The following PHF19 variants were observed in gnomAD, a reference collection of about 807,000 sequenced individuals.
The protein encoded by PHF19 is PHD finger protein 19, also known as polycomb like 3.
Under a neutral mutation model 79.8 loss-of-function variants are expected in PHF19, and 21 were observed. That is an observed-to-expected ratio of 0.26 (90% CI 0.19 to 0.38). PHF19 has a LOEUF of 0.38. Among genes scored for constraint, PHF19 ranks in the 10% least tolerant of loss-of-function variants. The probability of loss-of-function intolerance (pLI) is 1.00; values close to 1 mark genes in which losing one functional copy is unlikely to be tolerated. For missense variants in PHF19, 445 were observed against 744.2 expected, an observed-to-expected ratio of 0.60 and a Z score of 4.68; for synonymous variants, 273 against 296.3, an observed-to-expected ratio of 0.92 and a Z score of 0.81.
In PHF19 at chr9:120,874,108, C is replaced by A; in HGVS notation, c.187-48G>T. 1 of 999,050 alleles carries A rather than the reference C, an allele frequency of 1.0e-6. No homozygotes were observed. The highest frequency in any genetic ancestry group is 1.3e-5 in the South Asian group (1 of 74,342). The allele number at this position is 999,050 out of a possible 1,614,324, so 61.9% of individuals were successfully genotyped here. On this transcript the variant is annotated intron_variant, in intron 2 of 14. Transcript: ENST00000373896. The surrounding 1 kb of genome is among the most constrained non-coding windows in gnomAD (Gnocchi z 4.5). ...CAAGTGAGAAAGGGCTGGGGAAAAGCCAACCTGGAACATAGTCTTCCTCCC... is the reference window on the plus strand; with the variant it reads ...CAAGTGAGAAAGGGCTGGGGAAAAGACAACCTGGAACATAGTCTTCCTCCC...
In PHF19 at chr9:120,862,059, G is replaced by C; in HGVS notation, c.1131-54C>G. 7.2e-7 allele frequency: 1 copy of C among 1,392,798 alleles called. No homozygotes were observed. Among genetic ancestry groups the C allele is most frequent in the Non-Finnish European group, 1.0e-6 (1 of 978,128 alleles). The allele number at this position is 1,392,798 out of a possible 1,614,324, so 86.3% of individuals were successfully genotyped here. ...CCCCGTCAGAGCCTGAGGGCCCTAG[G>C]GTGGCCCAGAGGGAGGCGCCGCAGG... On this transcript the variant is annotated intron_variant, in intron 11 of 14. Transcript: ENST00000373896. This position sits in a 1 kb window ranked among gnomAD's most constrained non-coding sequence, Gnocchi z 4.6.
Position 120,869,180 on chromosome 9 carries a change from A to C in PHF19, c.614+2T>G. On this transcript the variant is annotated splice_donor_variant, in intron 6 of 14. Transcript: ENST00000373896. LOFTEE classifies it high-confidence loss of function. This position sits in a 1 kb window ranked among gnomAD's most constrained non-coding sequence, Gnocchi z 5.8. ...CCGGGGGGCCCTGACCCCCTGCCTT[A>C]CTCTCCGGGCCCGCCGCAGTAGCAG... The C allele has an allele frequency of 6.2e-7, 1 of 1,605,560 alleles. No homozygotes were observed. The highest frequency in any genetic ancestry group is 1.1e-5 in the South Asian group (1 of 89,840).
intron 9 of PHF19, 133 bp downstream of exon 9, chr9:120,865,577 G>A (rs1335223926): frequency 2.6e-6 from 3 of 1,152,546 alleles, no homozygotes; most frequent in Non-Finnish European, 3.7e-6. Context: ...AAGGACACAA[G>A]ATCAGAGGCC....
chr9:120,859,912 C>T (rs552872268), intron 14 of PHF19, among the ~76,000 whole-genome samples, 178 bp downstream of exon 14: 98 of 152,302 alleles, frequency 6.4e-4, no homozygotes, highest in African/African-American at 1.8e-3. Context: ...ATCTAAAGCC[C>T]CGTGACTCAG....
At chr9:120,897,628 C>A (rs1305103140), upstream of PHF19, among the ~76,000 whole-genome samples, 2 of 152,082 alleles carry the variant, frequency 1.3e-5, no homozygotes, top group Non-Finnish European at 2.9e-5. Context: ...ATACTTTAAC[C>A]TATCAAATTT....
At chr9:120,858,324 G>A (rs558180344) in intron 14 of PHF19, 38 bp from the exon 15 acceptor site, 5 of 1,444,570 alleles carry the variant, frequency 3.5e-6, no homozygotes, top group Non-Finnish European at 4.6e-6. Flanking sequence ...ATGAGAATGA[G>A]GTAGAACAAT....
upstream of PHF19, among the ~76,000 whole-genome samples, chr9:120,880,458 C>T (rs146566776): frequency 1.5e-4 from 23 of 152,294 alleles, no homozygotes; most frequent in South Asian, 2.1e-3. Flanking sequence ...CGTGCCACTG[C>T]ACTCCAGCCT....
rs900919637 is a variant in PHF19 at position 120,869,755 on chromosome 9, C to T, written c.465+90G>A. 1.1e-5 allele frequency: 18 copies of T among 1,591,836 alleles called. No homozygotes were observed. In the African/African-American group the frequency reaches 2.1e-4, roughly 19 times the overall value. On this transcript the variant is annotated intron_variant, in intron 5 of 14. Transcript: ENST00000373896. The surrounding 1 kb of genome is among the most constrained non-coding windows in gnomAD (Gnocchi z 5.8). Reference sequence around the variant, plus strand: ...CCAAAGCCCAGGTGTGGCCCTTCTGCTTGGAGCTCAGACTCTGTGATGGGA... The same window carrying T: ...CCAAAGCCCAGGTGTGGCCCTTCTGTTTGGAGCTCAGACTCTGTGATGGGA...
In PHF19 at chr9:120,870,045, A is replaced by T; in HGVS notation, c.365-100T>A. ...GGCTGGGAGGGCTGAGGGAAGTCCT[A>T]GGAGCTCTGCCTGCCAGCTGCCGGG... On this transcript the variant is annotated intron_variant, in intron 4 of 14. Coordinates refer to ENST00000373896, the MANE Select transcript of PHF19 (RefSeq NM_015651.3). This position sits in a 1 kb window ranked among gnomAD's most constrained non-coding sequence, Gnocchi z 4.4. 6.7e-7 allele frequency: 1 copy of T among 1,484,050 alleles called. No individual in the cohort carries two copies. Among genetic ancestry groups the T allele is most frequent in the South Asian group, 1.3e-5 (1 of 76,808 alleles). 91.9% of individuals were successfully genotyped at this position (1,484,050 alleles called of 1,614,324 possible).
At position 120,856,783 on chromosome 9, in the gene PHF19, C is replaced by G. The variant is rs984709735; in HGVS notation, c.*1161G>C. 1.3e-5 allele frequency: 2 copies of G among 152,714 alleles called. No homozygotes were observed. Among genetic ancestry groups the G allele is most frequent in the East Asian group, 1.9e-4 (1 of 5,196 alleles). 9.5% of individuals were successfully genotyped at this position (152,714 alleles called of 1,614,324 possible). A position where few individuals can be genotyped will look rare whatever the true frequency, so the allele number is the denominator to read the frequency against. ...GCAAGGGATATGAAAGAGGGTGAGT[C>G]CCCTGTGCTTCCCTATGGGACCAAT... On this transcript the variant is annotated 3_prime_UTR_variant, in exon 15 of 15. Coordinates refer to ENST00000373896, the MANE Select transcript of PHF19 (RefSeq NM_015651.3).
upstream of PHF19, among the ~76,000 whole-genome samples, chr9:120,878,834 G>A (rs1379773224): frequency 6.6e-6 from 1 of 152,202 alleles, no homozygotes; most frequent in Non-Finnish European, 1.5e-5. Flanking sequence ...AAGTCCCAAA[G>A]GGGCCCTAGG....
chr9:120,858,314 A>G, intron 14 of PHF19, 28 bp from the exon 15 acceptor site: 1 of 1,479,410 alleles, frequency 6.8e-7, no homozygotes, highest in Non-Finnish European at 9.1e-7. Context: ...GAGGAAGATG[A>G]TGAGAATGAG....
intron 6 of PHF19, chr9:120,868,891 G>A (rs1032798284): frequency 1.3e-5 from 12 of 951,210 alleles, no homozygotes; most frequent in Non-Finnish European, 1.3e-5. Flanking sequence ...TTCCGGGCCC[G>A]CCCCCCGAGG....
chr9:120,874,610 C>T lies in PHF19; in HGVS notation c.132G>A (p.Gln44=), dbSNP rs1269133799. The change falls in exon 2 of 15, where the codon CAG becomes CAA. Residue 44 remains glutamine, a synonymous_variant. Coordinates refer to ENST00000373896, the MANE Select transcript of PHF19 (RefSeq NM_015651.3). The surrounding 1 kb of genome is among the most constrained non-coding windows in gnomAD (Gnocchi z 4.5). ...CATCTGTCCACCGGCACAGCACATACTGGCCCTCCGTCAGTTTGGACATCA... is the reference window on the plus strand; with the variant it reads ...CATCTGTCCACCGGCACAGCACATATTGGCCCTCCGTCAGTTTGGACATCA... The part of the protein sequence containing the change: ...KDLMSKLTEG[Q]YVLCRWTDGL... The T allele has an allele frequency of 6.2e-7, 1 of 1,614,098 alleles. No individual in the cohort carries two copies. Among genetic ancestry groups the T allele is most frequent in the South Asian group, 1.1e-5 (1 of 91,084 alleles).
upstream of PHF19, among the ~76,000 whole-genome samples, chr9:120,898,034 T>C (rs1321247175): frequency 6.6e-6 from 1 of 151,922 alleles, no homozygotes; most frequent in Admixed American, 6.6e-5. Flanking sequence ...ACTAAGTCTT[T>C]GAAATCTGGT....
chr9:120,870,353 C>G lies in PHF19; in HGVS notation c.364+90G>C, dbSNP rs2045858125. On this transcript the variant is annotated intron_variant, in intron 4 of 14. Transcript: ENST00000373896. This position sits in a 1 kb window ranked among gnomAD's most constrained non-coding sequence, Gnocchi z 4.4. Reference sequence around the variant, plus strand: ...AAGAGAAACAGGAAGCCAGCTGAGGCCCCAACAGGCTGCAGCAGTACCCGT... The same window carrying G: ...AAGAGAAACAGGAAGCCAGCTGAGGGCCCAACAGGCTGCAGCAGTACCCGT... The G allele has an allele frequency of 1.3e-6, 1 of 798,032 alleles. No homozygotes were observed. The allele number at this position is 798,032 out of a possible 1,614,324, so 49.4% of individuals were successfully genotyped here.
Position 120,856,634 on chromosome 9 carries a change from T to C in PHF19, c.*1310A>G, listed in dbSNP as rs181927946. The stretch of plus-strand genomic sequence containing the variant: ...CTCCAGATGAGGCAGAATTTGAATG[T>C]TGGTTCCAAAAATTCTCTTTCAAAC... On this transcript the variant is annotated 3_prime_UTR_variant, in exon 15 of 15. Coordinates refer to ENST00000373896, the MANE Select transcript of PHF19 (RefSeq NM_015651.3). The C allele has an allele frequency of 3.3e-5, 5 of 152,616 alleles. No homozygotes were observed. The highest frequency in any genetic ancestry group is 3.9e-4 in the East Asian group (2 of 5,188). The allele number at this position is 152,616 out of a possible 1,614,324, so 9.5% of individuals were successfully genotyped here. A position where few individuals can be genotyped will look rare whatever the true frequency, so the allele number is the denominator to read the frequency against.
chr9:120,894,407 TC>T (rs1403021650), intron 1 of PHF19, among the ~76,000 whole-genome samples: 1 of 152,066 alleles, frequency 6.6e-6, no homozygotes, highest in Non-Finnish European at 1.5e-5. Context: ...CGGCGGAGAC[TC>T]ACATGTTTCC....
rs139838568 is a variant in PHF19, at chr9:120,869,250, C to G, written c.546G>C (p.Glu182Asp). Reference sequence around the variant, plus strand: ...TGCGATGGGGCGAGTCCCACTCGAGCTCCTCGGGCTGGTAGGACAGCACCA... The same window carrying G: ...TGCGATGGGGCGAGTCCCACTCGAGGTCCTCGGGCTGGTAGGACAGCACCA... The part of the protein sequence containing the change: ...VKMVLSYQPE[E>D]LEWDSPHRTN... The change falls in exon 6 of 15, where the codon GAG becomes GAC. Residue 182 changes from glutamate (E) to aspartate (D), a missense_variant. By Grantham distance (45) the Glu-to-Asp change is conservative. This residue lies in a region of PHF19 where 167 missense variants were observed against 375.8 expected (regional missense o/e 0.44). Coordinates refer to ENST00000373896, the MANE Select transcript of PHF19 (RefSeq NM_015651.3). The surrounding 1 kb of genome is among the most constrained non-coding windows in gnomAD (Gnocchi z 5.8). The G allele has an allele frequency of 4.3e-6, 7 of 1,612,600 alleles. No individual in the cohort carries two copies. Among genetic ancestry groups the G allele is most frequent in the Non-Finnish European group, 5.9e-6 (7 of 1,179,650 alleles).
Sources: gnomAD v4.1 joint callset for allele counts (sites outside exome capture counted in the v4.1 genomes callset) on GRCh38, gnomAD v4.1.1 for gene constraint, gnomAD v4.1.1 regional missense constraint, Gnocchi (gnomAD v3.1) non-coding constraint, MANE v1.5 for transcripts, NCBI Gene and HGNC (gene_info 2026-07-23, HGNC 2026-07-21) for gene names.